Variants in RAB3GAP1 observed in about 807,000 individuals in gnomAD.
The protein encoded by RAB3GAP1 is RAB3 GTPase activating protein catalytic subunit 1, also known as rab3 GTPase-activating protein catalytic subunit.
A neutral mutation model predicts 130.7 loss-of-function variants in RAB3GAP1; 86 were observed. The observed-to-expected ratio is 0.66, with a 90% CI of 0.55 to 0.79. The LOEUF is 0.79. Among genes scored for constraint, RAB3GAP1 ranks in the 30% least tolerant of loss-of-function variants. The pLI is 0.00. For synonymous variants in RAB3GAP1, 367 were observed against 401.7 expected (o/e 0.91, Z 1.03); for missense variants, 1,029 against 1,169.4 (o/e 0.88, Z 1.75).
At chr2:135,165,811 C>T (rs901411350) in intron 23 of RAB3GAP1, among the ~76,000 whole-genome samples, 2 of 152,134 alleles carry the variant, frequency 1.3e-5, no homozygotes, top group East Asian at 1.9e-4. Flanking sequence ...AGCTTACAAG[C>T]GCATTTCCTT....
At chr2:135,074,249 A>T (rs1455161793) in intron 3 of RAB3GAP1, among the ~76,000 whole-genome samples, 1 of 152,116 alleles carries the variant, frequency 6.6e-6, no homozygotes, top group Non-Finnish European at 1.5e-5. Flanking sequence ...ACTTCCCCAA[A>T]ATGTGTATAG....
At chr2:135,146,854 A>AAC (rs140795011) in intron 17 of RAB3GAP1, among the ~76,000 whole-genome samples, 6,370 of 152,160 alleles carry the variant, frequency 0.042, 155 homozygotes, top group African/African-American at 0.055. Context: ...ATGGATATAC[A>AAC]AGTTTGTTTA....
chr2:135,162,718 T>G, intron 20 of RAB3GAP1, 30 bp from the exon 21 acceptor site: 1 of 1,607,192 alleles, frequency 6.2e-7, no homozygotes, highest in Non-Finnish European at 8.5e-7. Context: ...TTAATTTATT[T>G]AATGCTGGCT....
At chr2:135,134,559 T>G (rs1055104002) in intron 15 of RAB3GAP1, among the ~76,000 whole-genome samples, 3 of 152,238 alleles carry the variant, frequency 2.0e-5, no homozygotes, top group African/African-American at 7.2e-5. Flanking sequence ...CAGAACATTT[T>G]CATTAGCACA....
intron 19 of RAB3GAP1, 46 bp from the exon 20 acceptor site, chr2:135,162,509 C>CT: frequency 6.8e-7 from 1 of 1,477,548 alleles, no homozygotes; most frequent in Non-Finnish European, 9.4e-7. Context: ...CTGCTTCATC[C>CT]TTTGACACCT....
intron 17 of RAB3GAP1, among the ~76,000 whole-genome samples, chr2:135,145,349 T>A (rs572957976): frequency 6.6e-6 from 1 of 152,132 alleles, no homozygotes; most frequent in Non-Finnish European, 1.5e-5. Flanking sequence ...TCTGTTTGTA[T>A]CCATTAGCTA....
intron 3 of RAB3GAP1, among the ~76,000 whole-genome samples, chr2:135,078,644 A>G (rs1195755602): frequency 9.6e-6 from 1 of 104,542 alleles, no homozygotes; most frequent in East Asian, 2.9e-4. Context: ...GGGCTATATT[A>G]GTCCCCTCCC....
At chr2:135,105,849 G>A (rs1222049882) in intron 5 of RAB3GAP1, among the ~76,000 whole-genome samples, 10 of 147,588 alleles carry the variant, frequency 6.8e-5, no homozygotes, top group African/African-American at 1.3e-4. Flanking sequence ...CCGCCGCCCC[G>A]TCTGGGATGT....
Position 135,135,735 on chromosome 2 carries a change from G to A in RAB3GAP1, c.1726G>A (p.Asp576Asn), listed in dbSNP as rs752483989. The change falls in exon 17 of 24, where the codon GAT (aspartate) becomes AAT (asparagine). Residue 576 changes from aspartate (D) to asparagine (N), a missense_variant. By Grantham distance (23) the Asp-to-Asn change is conservative. Coordinates refer to ENST00000264158, the MANE Select transcript of RAB3GAP1 (RefSeq NM_012233.3). The part of the protein sequence containing the change: ...KEKGEVGKSW[D>N]SWSDSEEEFF... ...AAAGGGAGAGGTAGGAAAATCTTGGGATTCCTGGAGTGACAGCGAAGAAGA... is the reference window on the plus strand; with the variant it reads ...AAAGGGAGAGGTAGGAAAATCTTGGAATTCCTGGAGTGACAGCGAAGAAGA... 2.5e-6 allele frequency: 4 copies of A among 1,613,962 alleles called. No homozygotes were observed. Among genetic ancestry groups the A allele is most frequent in the Non-Finnish European group, 3.4e-6 (4 of 1,179,926 alleles).
In RAB3GAP1 at chr2:135,162,807, A is replaced by C. The variant is rs982936645; in HGVS notation, c.2446A>C (p.Ser816Arg). ...KIIKQIISHS[S>R]KVLHFPNPED... Reference sequence around the variant, plus strand: ...CATAAAGCAGATAATATCCCATTCCAGTAAAGTTTTGCACTTCCCCAATCC... The same window carrying C: ...CATAAAGCAGATAATATCCCATTCCCGTAAAGTTTTGCACTTCCCCAATCC... The change falls in exon 21 of 24, where the codon AGT becomes CGT. Residue 816 changes from serine to arginine, a missense_variant. Around this residue, in one of 3 missense-constraint regions of RAB3GAP1, gnomAD observed 373 missense variants for 493.6 expected, o/e 0.76. Coordinates refer to ENST00000264158, the MANE Select transcript of RAB3GAP1 (RefSeq NM_012233.3). 1 of 1,613,912 alleles carries C rather than the reference A, an allele frequency of 6.2e-7. No homozygotes were observed. Among genetic ancestry groups the C allele is most frequent in the African/African-American group, 1.3e-5 (1 of 75,056 alleles).
At chr2:135,075,970 G>A (rs575014123) in intron 3 of RAB3GAP1, among the ~76,000 whole-genome samples, 4 of 150,360 alleles carry the variant, frequency 2.7e-5, no homozygotes, top group Non-Finnish European at 4.4e-5. Flanking sequence ...TAGTGCAGTG[G>A]TGCAATCTCA....
chr2:135,175,880 G>C (rs1692991009), intron 24 of RAB3GAP1, among the ~76,000 whole-genome samples: 1 of 152,156 alleles, frequency 6.6e-6, no homozygotes. Context: ...TTTCCAGAGA[G>C]AAAATCATGA....
chr2:135,058,166 C>A, intron 3 of RAB3GAP1, 80 bp downstream of exon 3: 1 of 1,173,406 alleles, frequency 8.5e-7, no homozygotes. Context: ...GCATTTGGCA[C>A]ATTTGAATTA....
chr2:135,126,110 G>C lies in RAB3GAP1; in HGVS notation c.831-71G>C. 7.8e-6 allele frequency: 9 copies of C among 1,161,272 alleles called. No homozygotes were observed. The South Asian group carries it at 1.1e-4, about 15-fold the overall frequency. 71.9% of individuals were successfully genotyped at this position (1,161,272 alleles called of 1,614,324 possible). On this transcript the variant is annotated intron_variant, in intron 9 of 23. Coordinates refer to ENST00000264158, the MANE Select transcript of RAB3GAP1 (RefSeq NM_012233.3). ...AACATACTTTTATTTCCTTGGTATA[G>C]TTTTCTAGAAGTATTAAATATAATT... is the stretch of plus-strand genomic sequence containing the variant.
chr2:135,095,728 C>G (rs772061254), intron 5 of RAB3GAP1, among the ~76,000 whole-genome samples: 5 of 152,142 alleles, frequency 3.3e-5, no homozygotes, highest in Non-Finnish European at 5.9e-5. Context: ...GTATGCTGTT[C>G]TGAGTAGTAT....
At chr2:135,068,744 C>G (rs1689390395) in intron 3 of RAB3GAP1, among the ~76,000 whole-genome samples, 1 of 152,120 alleles carries the variant, frequency 6.6e-6, no homozygotes, top group African/African-American at 2.4e-5. Flanking sequence ...CAGAGTGAGA[C>G]TCCATCTCAA....
At chr2:135,144,631 A>G (rs934572508) in intron 17 of RAB3GAP1, among the ~76,000 whole-genome samples, 2 of 152,230 alleles carry the variant, frequency 1.3e-5, no homozygotes, top group African/African-American at 4.8e-5. Context: ...GTCAGATTTC[A>G]CTGAGGACCT....
At chr2:135,151,625 C>T (rs997682363) in intron 18 of RAB3GAP1, among the ~76,000 whole-genome samples, 2 of 152,178 alleles carry the variant, frequency 1.3e-5, no homozygotes, top group Admixed American at 6.5e-5. Context: ...TTCTATACTG[C>T]CATGTGACAA....
chr2:135,152,099 A>T (rs928589976), intron 18 of RAB3GAP1, among the ~76,000 whole-genome samples: 1 of 152,282 alleles, frequency 6.6e-6, no homozygotes, highest in Non-Finnish European at 1.5e-5. Context: ...TAGAAATCAG[A>T]TAATACATTT....
Sources: allele counts gnomAD v4.1 joint callset (sites outside exome capture counted in the v4.1 genomes callset), GRCh38; gene constraint gnomAD v4.1.1; regional missense constraint gnomAD v4.1.1; transcripts MANE v1.5; gene names NCBI Gene and HGNC (gene_info 2026-07-23, HGNC 2026-07-21).